COX10: variants seen among roughly 807,000 people sequenced by gnomAD.
COX10 encodes the protein cytochrome c oxidase assembly factor heme A:farnesyltransferase COX10.
COX10 carries 27 observed loss-of-function variants against 37.3 expected under a neutral mutation model. That is an observed-to-expected ratio of 0.72 (90% CI 0.53 to 1.00). COX10 has a LOEUF of 1.00. Among genes scored for constraint, COX10 ranks in the 50% least tolerant of loss-of-function variants. The pLI is 0.00. For missense variants in COX10, 475 were observed against 563.2 expected (o/e 0.84, Z 1.59); for synonymous variants, 222 against 229.1 (o/e 0.97, Z 0.28).
At chr17:14,136,891 T>C (rs1418271434) in intron 4 of COX10, among the ~76,000 whole-genome samples, 1 of 152,106 alleles carries the variant, frequency 6.6e-6, no homozygotes, top group Non-Finnish European at 1.5e-5. Flanking sequence ...TGAAATCTTT[T>C]TGGTTATTTG....
chr17:14,083,311 A>G (rs1242669266), intron 3 of COX10, among the ~76,000 whole-genome samples: 2 of 152,120 alleles, frequency 1.3e-5, no homozygotes, highest in Non-Finnish European at 2.9e-5. Context: ...CTCTCTATTT[A>G]GTTTATTACT....
intron 4 of COX10, among the ~76,000 whole-genome samples, chr17:14,136,633 A>T (rs140109397): frequency 1.3e-5 from 2 of 152,058 alleles, no homozygotes; most frequent in East Asian, 3.9e-4. Flanking sequence ...TGACCTCAAA[A>T]TACATTTTTA....
intron 4 of COX10, among the ~76,000 whole-genome samples, chr17:14,146,474 C>G (rs1904723614): frequency 6.6e-6 from 1 of 152,114 alleles, no homozygotes; most frequent in African/African-American, 2.4e-5. Flanking sequence ...ACCCCTATCT[C>G]TTGCCATAAA....
chr17:14,081,637 C>G (rs1915297280), intron 3 of COX10, among the ~76,000 whole-genome samples: 1 of 152,206 alleles, frequency 6.6e-6, no homozygotes, highest in South Asian at 2.1e-4. Flanking sequence ...TCTCACCGGC[C>G]TCAGTTTACC....
chr17:14,087,795 G>A (rs1456873849), intron 3 of COX10, among the ~76,000 whole-genome samples: 4 of 151,244 alleles, frequency 2.6e-5, no homozygotes, highest in Non-Finnish European at 5.9e-5. Context: ...TGGTATGTCT[G>A]TGTCCAGCCT....
intron 3 of COX10, among the ~76,000 whole-genome samples, chr17:14,090,223 T>C (rs1056484246): frequency 1.3e-5 from 2 of 152,018 alleles, no homozygotes; most frequent in East Asian, 3.9e-4. Context: ...GCCTGGGTGC[T>C]TAATAATCAT....
intron 6 of COX10, among the ~76,000 whole-genome samples, chr17:14,193,721 C>T (rs2142264314): frequency 6.7e-6 from 1 of 149,064 alleles, no homozygotes; most frequent in South Asian, 2.2e-4. Flanking sequence ...CACCAGCCCT[C>T]CTGCTCCCGG....
chr17:14,070,768 T>C (rs187822258), intron 1 of COX10, among the ~76,000 whole-genome samples: 102 of 152,384 alleles, frequency 6.7e-4, no homozygotes, highest in South Asian at 1.9e-3. Flanking sequence ...CATAATGTTA[T>C]TTTATGGCTG....
Position 14,183,113 on chromosome 17 carries a change from C to G in COX10, c.696-8876C>G, listed in dbSNP as rs550298620. ...CACTCTCAATCCATCAGTTTCTTTT[C>G]TACAGTAGCCTTGGGCAGGAAAGGC... On this transcript the variant is annotated intron_variant, in intron 5 of 6. Transcript: ENST00000261643. Among the ~76,000 whole-genome samples the G allele has an allele frequency of 1.9e-3, 281 of 148,660 alleles. 5 individuals are homozygous for G. The highest frequency in any genetic ancestry group is 2.4e-3 in the Non-Finnish European group (164 of 67,208).
chr17:14,178,453 C>T (rs1474597134), intron 5 of COX10, among the ~76,000 whole-genome samples: 1 of 137,568 alleles, frequency 7.3e-6, no homozygotes, highest in African/African-American at 2.5e-5. Flanking sequence ...GCTCTCCCGG[C>T]ACCTCTGCCA....
At chr17:14,116,083 T>C (rs1044494529) in intron 4 of COX10, among the ~76,000 whole-genome samples, 1 of 152,164 alleles carries the variant, frequency 6.6e-6, no homozygotes, top group Non-Finnish European at 1.5e-5. Context: ...GTAAAAGTTA[T>C]TTATAACAGC....
chr17:14,203,832 A>G (rs535603260), intron 6 of COX10, among the ~76,000 whole-genome samples: 1 of 152,314 alleles, frequency 6.6e-6, no homozygotes, highest in South Asian at 2.1e-4. Flanking sequence ...AAAGATCCTC[A>G]TTACCTGAAA....
chr17:14,139,832 T>A (rs1904485674), intron 4 of COX10, among the ~76,000 whole-genome samples: 1 of 152,162 alleles, frequency 6.6e-6, no homozygotes, highest in South Asian at 2.1e-4. Flanking sequence ...AAAATTAGAA[T>A]GTGCTATAAT....
chr17:14,179,162 A>C, intron 5 of COX10: 1 of 644,680 alleles, frequency 1.6e-6, no homozygotes, highest in Non-Finnish European at 1.9e-6. Context: ...TTCCTAGTTC[A>C]GTTAAAATTG....
Position 14,167,262 on chromosome 17 carries a change from T to C in COX10, c.695+7315T>C, listed in dbSNP as rs762272953. ...TGATAAAACTTGAACACATGAAGAATTGCTTCTTATGGATGAGTAAAGAAA... is the reference window on the plus strand; with the variant it reads ...TGATAAAACTTGAACACATGAAGAACTGCTTCTTATGGATGAGTAAAGAAA... On this transcript the variant is annotated intron_variant, in intron 5 of 6. Transcript: ENST00000261643. 2.0e-5 allele frequency among the ~76,000 whole-genome samples: 3 copies of C among 152,178 alleles called. 1 individual carries two copies. Among genetic ancestry groups the C allele is most frequent in the African/African-American group, 7.2e-5 (3 of 41,444 alleles).
intron 4 of COX10, among the ~76,000 whole-genome samples, chr17:14,126,181 C>G (rs994199746): frequency 1.3e-5 from 2 of 151,998 alleles, no homozygotes; most frequent in African/African-American, 2.4e-5. Context: ...ATATGTTTAG[C>G]TTGAAGGCAC....
intron 4 of COX10, among the ~76,000 whole-genome samples, chr17:14,154,891 G>C (rs1020716709): frequency 7.2e-5 from 11 of 152,198 alleles, no homozygotes; most frequent in African/African-American, 2.7e-4. Flanking sequence ...AGTGGCGAGT[G>C]TGACCAGGGG....
At chr17:14,082,963 C>T (rs990571755) in intron 3 of COX10, among the ~76,000 whole-genome samples, 5 of 152,098 alleles carry the variant, frequency 3.3e-5, no homozygotes, top group Admixed American at 6.5e-5. Context: ...AGTCCCAGAC[C>T]GAGTGGTCTG....
At chr17:14,164,859 T>TGATATAC (rs1905243022) in intron 5 of COX10, among the ~76,000 whole-genome samples, 1 of 152,224 alleles carries the variant, frequency 6.6e-6, no homozygotes, top group African/African-American at 2.4e-5. Flanking sequence ...GTTATGTGTA[T>TGATATAC]ATCAGGTGAT....
Sources: gnomAD v4.1 joint callset for allele counts (sites outside exome capture counted in the v4.1 genomes callset) on GRCh38, gnomAD v4.1.1 for gene constraint, MANE v1.5 for transcripts, NCBI Gene and HGNC (gene_info 2026-07-23, HGNC 2026-07-21) for gene names.